The following MAGI1 variants were observed in gnomAD, a reference collection of about 807,000 sequenced individuals.
The protein encoded by MAGI1 is membrane associated guanylate kinase, WW and PDZ domain containing 1, also known as membrane-associated guanylate kinase, WW and PDZ domain-containing protein 1.
In MAGI1, 58 loss-of-function variants were observed where a neutral mutation model predicts 139.9. The observed-to-expected ratio is 0.41, with a 90% CI of 0.34 to 0.52. The LOEUF is 0.52. Ranked by LOEUF, MAGI1 falls within the 20% of genes least tolerant of loss-of-function variation. The pLI is 0.12. For synonymous variants in MAGI1, 812 were observed against 737.9 expected (o/e 1.10, Z -1.63); for missense variants, 1,874 against 1,901.6 (o/e 0.99, Z 0.27).
At chr3:66,037,759 C>G (rs565247581) in intron 1 of MAGI1, among the ~76,000 whole-genome samples, 1 of 152,292 alleles carries the variant, frequency 6.6e-6, no homozygotes, top group South Asian at 2.1e-4. Flanking sequence ...CCAGCCAGGC[C>G]TGAGAAACGT....
Position 65,965,659 on chromosome 3 carries a change from C to CT in MAGI1, c.313+72336dup, listed in dbSNP as rs1273976057. Among the ~76,000 whole-genome samples, 179 of 146,188 alleles carry CT rather than the reference C, an allele frequency of 1.2e-3. 1 individual carries two copies. Among genetic ancestry groups the CT allele is most frequent in the African/African-American group, 4.1e-3 (164 of 40,082 alleles). On this transcript the variant is annotated intron_variant, in intron 1 of 22. Coordinates refer to ENST00000402939, the MANE Select transcript of MAGI1 (RefSeq NM_001033057.2). ...CAAAATCTGAGGACTCTGTTTCACC[C>CT]TTTTTTTTTTTCTTTTTGGTTTTGT...
At chr3:65,561,798 A>T (rs944657892) in intron 2 of MAGI1, among the ~76,000 whole-genome samples, 1 of 152,182 alleles carries the variant, frequency 6.6e-6, no homozygotes, top group African/African-American at 2.4e-5. Flanking sequence ...AGTCAGTCAA[A>T]CTACAGCTGG....
intron 1 of MAGI1, among the ~76,000 whole-genome samples, chr3:65,664,185 T>C (rs1307788665): frequency 2.0e-5 from 3 of 152,116 alleles, no homozygotes; most frequent in Admixed American, 6.5e-5. Flanking sequence ...AGAATGCTCA[T>C]AACAGGTTCG....
Position 66,031,559 on chromosome 3 carries a change from C to T in MAGI1, c.313+6437G>A, listed in dbSNP as rs564907103. Among the ~76,000 whole-genome samples the T allele has an allele frequency of 1.8e-4, 28 of 152,176 alleles. No individual in the cohort carries two copies. In the South Asian group the frequency reaches 5.6e-3, roughly 31 times the overall value. On this transcript the variant is annotated intron_variant, in intron 1 of 22. Transcript: ENST00000402939. ...GGCCACTGGAAACGATGGACAAGTG[C>T]GTTGTACGTCCTTGCTTCATTTTTT...
chr3:65,951,007 GGAAGGAAGGAAGGAAGGAA>G (rs2063820066), intron 1 of MAGI1, among the ~76,000 whole-genome samples: 1 of 134,092 alleles, frequency 7.5e-6, no homozygotes, highest in African/African-American at 2.7e-5. Flanking sequence ...AAGGAAGGAA[GGAAGGAAGGAAGGAAGGAA>G]GGAAGGAAGG....
intron 14 of MAGI1, among the ~76,000 whole-genome samples, chr3:65,387,989 G>C (rs535544331): frequency 6.6e-6 from 1 of 152,316 alleles, no homozygotes; most frequent in Admixed American, 6.5e-5. Context: ...AATGCTACTG[G>C]ATAGGATCTG....
intron 1 of MAGI1, among the ~76,000 whole-genome samples, chr3:65,670,302 A>G (rs1322336311): frequency 6.6e-6 from 1 of 151,244 alleles, no homozygotes; most frequent in Admixed American, 6.6e-5. Flanking sequence ...ATGCATATAC[A>G]TACATATGTA....
At chr3:65,673,372 T>C (rs1056278843) in intron 1 of MAGI1, among the ~76,000 whole-genome samples, 4 of 152,234 alleles carry the variant, frequency 2.6e-5, no homozygotes, top group East Asian at 1.9e-4. Flanking sequence ...CAGAGTAACC[T>C]GTGTCTGTTT....
intron 1 of MAGI1, among the ~76,000 whole-genome samples, chr3:65,634,706 A>G (rs939328324): frequency 3.9e-5 from 6 of 152,232 alleles, no homozygotes; most frequent in Admixed American, 6.5e-5. Context: ...TGCAGTGTGT[A>G]AGCTTGATTA....
At chr3:65,920,753 G>C (rs956666972) in intron 1 of MAGI1, among the ~76,000 whole-genome samples, 4 of 152,168 alleles carry the variant, frequency 2.6e-5, no homozygotes, top group Non-Finnish European at 5.9e-5. Context: ...CAAAATGGCA[G>C]GGCGCAGTGG....
chr3:65,539,790 A>G (rs2079127820), intron 2 of MAGI1, among the ~76,000 whole-genome samples: 2 of 152,204 alleles, frequency 1.3e-5, no homozygotes. Context: ...CAGTTTACAT[A>G]CCAATGCTTT....
intron 1 of MAGI1, among the ~76,000 whole-genome samples, chr3:65,693,422 C>G (rs1333238482): frequency 6.6e-6 from 1 of 152,136 alleles, no homozygotes; most frequent in Non-Finnish European, 1.5e-5. Flanking sequence ...CCCATACAAC[C>G]GGGTTCCAAG....
intron 12 of MAGI1, among the ~76,000 whole-genome samples, chr3:65,413,652 A>G (rs746299221): frequency 1.6e-4 from 24 of 152,156 alleles, no homozygotes; most frequent in African/African-American, 5.3e-4. Context: ...CCATATAGCT[A>G]TGAAGGGCAG....
rs775011550 is a variant in MAGI1, at chr3:65,429,706, G to A, written c.1981C>T (p.Pro661Ser). 1 of 1,613,834 alleles carries A rather than the reference G, an allele frequency of 6.2e-7. No homozygotes were observed. Among genetic ancestry groups the A allele is most frequent in the Non-Finnish European group, 8.5e-7 (1 of 1,179,932 alleles). The change falls in exon 12 of 23, where the codon CCT (proline) becomes TCT (serine). Residue 661 changes from proline (P) to serine (S), a missense_variant. Pro to Ser is a moderately conservative substitution (Grantham distance 74). Transcript: ENST00000402939. The part of the protein sequence containing the change: ...MGFGFTIADS[P>S]GGGGQRVKQI... ...TTCACTCTTTGGCCACCCCCACCAG[G>A]ACTGTCTGCGATAGTAAAACCAAAG...
intron 10 of MAGI1, among the ~76,000 whole-genome samples, chr3:65,432,471 A>G (rs918745447): frequency 2.6e-5 from 4 of 152,200 alleles, no homozygotes; most frequent in Non-Finnish European, 4.4e-5. Context: ...TTTTAATTGC[A>G]TATTTTAAAA....
intron 1 of MAGI1, among the ~76,000 whole-genome samples, chr3:65,970,189 A>G (rs2064953755): frequency 6.6e-6 from 1 of 152,246 alleles, no homozygotes; most frequent in Non-Finnish European, 1.5e-5. Context: ...GACACATGCT[A>G]CAACGTGAAT....
chr3:65,877,558 C>A (rs143764595), intron 1 of MAGI1, among the ~76,000 whole-genome samples: 1 of 152,200 alleles, frequency 6.6e-6, no homozygotes, highest in African/African-American at 2.4e-5. Flanking sequence ...AGTGTCTTAG[C>A]TCTCAGACAT....
chr3:65,613,529 A>G (rs2083223281), intron 2 of MAGI1, among the ~76,000 whole-genome samples: 1 of 152,190 alleles, frequency 6.6e-6, no homozygotes, highest in African/African-American at 2.4e-5. Flanking sequence ...GACACATATA[A>G]ATCAAGTCCA....
intron 2 of MAGI1, among the ~76,000 whole-genome samples, chr3:65,509,628 T>A (rs2077475418): frequency 2.0e-5 from 3 of 152,158 alleles, no homozygotes; most frequent in Admixed American, 6.5e-5. Flanking sequence ...CGAGATTATA[T>A]CCCACACCTG....
Sources: gnomAD v4.1 joint callset for allele counts (sites outside exome capture counted in the v4.1 genomes callset) on GRCh38, gnomAD v4.1.1 for gene constraint, MANE v1.5 for transcripts, NCBI Gene and HGNC (gene_info 2026-07-23, HGNC 2026-07-21) for gene names.